MAP3K20: variants seen among roughly 807,000 people sequenced by gnomAD.
The protein encoded by MAP3K20 is mitogen-activated protein kinase kinase kinase 20.
A neutral mutation model predicts 85.7 loss-of-function variants in MAP3K20; 40 were observed. The observed-to-expected ratio is 0.47, with a 90% CI of 0.36 to 0.61. The LOEUF (loss-of-function observed/expected upper bound fraction) is 0.61. Among genes scored for constraint, MAP3K20 ranks in the 20% least tolerant of loss-of-function variants. MAP3K20 has a pLI of 0.00. For missense variants in MAP3K20, 817 were observed against 961.7 expected, an observed-to-expected ratio of 0.85 and a Z score of 1.99; for synonymous variants, 325 against 327.7, an observed-to-expected ratio of 0.99 and a Z score of 0.09.
intron 2 of MAP3K20, among the ~76,000 whole-genome samples, chr2:173,115,063 C>A (rs1347165344): frequency 6.6e-6 from 1 of 150,972 alleles, no homozygotes; most frequent in Non-Finnish European, 1.5e-5. Flanking sequence ...TTTGGTCATT[C>A]AGCATAATCC....
At chr2:173,100,171 C>A (rs1687597125) in intron 2 of MAP3K20, among the ~76,000 whole-genome samples, 1 of 152,226 alleles carries the variant, frequency 6.6e-6, no homozygotes, top group Non-Finnish European at 1.5e-5. Context: ...CTGTTGTGAA[C>A]TTTCTGAGAG....
At chr2:173,238,656 C>A (rs1479716230) in intron 15 of MAP3K20, among the ~76,000 whole-genome samples, 1 of 152,192 alleles carries the variant, frequency 6.6e-6, no homozygotes, top group East Asian at 1.9e-4. Flanking sequence ...ATAAGAACAA[C>A]ACACCTTACT....
At chr2:173,159,151 T>C (rs748377404) in intron 2 of MAP3K20, among the ~76,000 whole-genome samples, 2 of 152,220 alleles carry the variant, frequency 1.3e-5, no homozygotes, top group Non-Finnish European at 2.9e-5. Flanking sequence ...GATTAAGTTA[T>C]ATTGCTATTC....
intron 2 of MAP3K20, among the ~76,000 whole-genome samples, chr2:173,105,541 A>G (rs1478159242): frequency 7.2e-5 from 11 of 152,236 alleles, no homozygotes; most frequent in Admixed American, 7.2e-4. Flanking sequence ...ATGTCCATCA[A>G]CAGATGAACA....
At chr2:173,108,133 A>T (rs74459778) in intron 2 of MAP3K20, among the ~76,000 whole-genome samples, 4,404 of 129,020 alleles carry the variant, frequency 0.034, 102 homozygotes, top group Middle Eastern at 0.084. Context: ...TGGGATTTTT[A>T]TTTTTTTTTT....
At position 173,198,311 on chromosome 2, in the gene MAP3K20, C is replaced by T. The variant is rs559827190; in HGVS notation, c.669+199C>T. On this transcript the variant is annotated intron_variant, in intron 8 of 19. Transcript: ENST00000375213. This position sits in a 1 kb window ranked among gnomAD's most constrained non-coding sequence, Gnocchi z 5.8. ...ACATCTAATTGTTGCAGCTTCACGTCGTGATGCTGTAGATCAAAAATTGTA... is the reference window on the plus strand; with the variant it reads ...ACATCTAATTGTTGCAGCTTCACGTTGTGATGCTGTAGATCAAAAATTGTA... 7.5e-6 allele frequency: 3 copies of T among 402,416 alleles called. No homozygotes were observed. The highest frequency in any genetic ancestry group is 3.1e-5 in the South Asian group (1 of 32,732). 24.9% of individuals were successfully genotyped at this position (402,416 alleles called of 1,614,324 possible).
At chr2:173,127,044 A>AGG (rs1237223538) in intron 2 of MAP3K20, among the ~76,000 whole-genome samples, 1 of 152,238 alleles carries the variant, frequency 6.6e-6, no homozygotes, top group Non-Finnish European at 1.5e-5. Context: ...AACAGGAAGT[A>AGG]GGGACTAGCA....
chr2:173,261,083 G>T lies in MAP3K20; in HGVS notation c.1497G>T (p.Lys499Asn). 3.7e-6 allele frequency: 6 copies of T among 1,613,658 alleles called. No individual in the cohort carries two copies. The highest frequency in any genetic ancestry group is 5.1e-6 in the Non-Finnish European group (6 of 1,179,640). The change falls in exon 18 of 20, where the codon AAG becomes AAT. Residue 499 changes from lysine (K) to asparagine (N), a missense_variant. Around this residue, in one of 4 missense-constraint regions of MAP3K20, gnomAD observed 454 missense variants for 476.9 expected, o/e 0.95. Transcript: ENST00000375213. ...KMTKPPFVMEKWIVGIAKSQT... is the reference protein window; with the variant it reads ...KMTKPPFVMENWIVGIAKSQT... ...TTCAGCCACCATTTGTAATGGAGAA[G>T]TGGATTGTAGGAATAGCAAAAAGTC...
At chr2:173,243,656 C>G (rs1361444636) in intron 16 of MAP3K20, among the ~76,000 whole-genome samples, 1 of 152,136 alleles carries the variant, frequency 6.6e-6, no homozygotes, top group African/African-American at 2.4e-5. Flanking sequence ...CTCGCTCTTT[C>G]GCCCAGGCCA....
chr2:173,092,930 A>G (rs1449305868), intron 2 of MAP3K20, among the ~76,000 whole-genome samples: 1 of 152,050 alleles, frequency 6.6e-6, no homozygotes, highest in African/African-American at 2.4e-5. Context: ...ACATGAATGT[A>G]GGTAATTCAG....
At chr2:173,106,683 G>C (rs1193226169) in intron 2 of MAP3K20, among the ~76,000 whole-genome samples, 1 of 152,186 alleles carries the variant, frequency 6.6e-6, no homozygotes, top group African/African-American at 2.4e-5. Context: ...GATGGTTGCA[G>C]GGGAAGGATT....
rs988148689 is a variant in MAP3K20 at position 173,267,352 on chromosome 2, C to G, written c.*602C>G. ...TCCCCCTCTTTTTTTTGGATGTCCC[C>G]TTAAATTTTGTGCCCAAGGCAGGTA... is the stretch of plus-strand genomic sequence containing the variant. On this transcript the variant is annotated 3_prime_UTR_variant, in exon 20 of 20. Coordinates refer to ENST00000375213, the MANE Select transcript of MAP3K20 (RefSeq NM_016653.3). The G allele has an allele frequency of 5.3e-5, 8 of 151,462 alleles. No individual in the cohort carries two copies. Among genetic ancestry groups the G allele is most frequent in the African/African-American group, 1.9e-4 (8 of 41,210 alleles). The allele number at this position is 151,462 out of a possible 1,614,324, so 9.4% of individuals were successfully genotyped here. A position where few individuals can be genotyped will look rare whatever the true frequency, so the allele number is the denominator to read the frequency against.
chr2:173,091,198 C>T lies in MAP3K20; in HGVS notation c.159+8C>T, dbSNP rs963695081. The T allele has an allele frequency of 6.2e-7, 1 of 1,605,876 alleles. No individual in the cohort carries two copies. The highest frequency in any genetic ancestry group is 1.7e-5 in the Admixed American group (1 of 58,954). On this transcript the variant is annotated splice_region_variant and intron_variant, in intron 2 of 19. Transcript: ENST00000375213. Reference sequence around the variant, plus strand: ...CTCAAAATAGAGAAAGAGGTAAGGTCTTTTCCAGCTGACAGAAACAGTCAC... The same window carrying T: ...CTCAAAATAGAGAAAGAGGTAAGGTTTTTTCCAGCTGACAGAAACAGTCAC...
At chr2:173,230,356 G>A (rs1016350535) in intron 12 of MAP3K20, among the ~76,000 whole-genome samples, 3 of 152,136 alleles carry the variant, frequency 2.0e-5, no homozygotes, top group Non-Finnish European at 4.4e-5. Flanking sequence ...GAACAGGGAT[G>A]GCCTCGAGCC....
chr2:173,234,195 G>A (rs781774372), intron 14 of MAP3K20, among the ~76,000 whole-genome samples: 2 of 152,170 alleles, frequency 1.3e-5, no homozygotes, highest in Non-Finnish European at 2.9e-5. Flanking sequence ...ATTCCTTAAG[G>A]ATCAGTTCGG....
chr2:173,134,338 C>T (rs1445656054), intron 2 of MAP3K20, among the ~76,000 whole-genome samples: 6 of 135,478 alleles, frequency 4.4e-5, no homozygotes, highest in Admixed American at 3.9e-4. Flanking sequence ...GCTAGAACCA[C>T]AGGCGCATGC....
chr2:173,209,268 TC>T (rs900543510), intron 9 of MAP3K20, among the ~76,000 whole-genome samples: 1 of 152,068 alleles, frequency 6.6e-6, no homozygotes, highest in Non-Finnish European at 1.5e-5. Flanking sequence ...TAGGTAGATT[TC>T]CCCCCAACGC....
At position 173,091,069 on chromosome 2, in the gene MAP3K20, T is replaced by C; in HGVS notation, c.38T>C (p.Phe13Ser). Residue 13 changes from phenylalanine to serine, a missense_variant, in exon 2 of 20, where the codon TTT becomes TCT. By Grantham distance (155) the Phe-to-Ser change is radical. This residue lies in a region of MAP3K20 where 200 missense variants were observed against 302.7 expected (regional missense o/e 0.66). Coordinates refer to ENST00000375213, the MANE Select transcript of MAP3K20 (RefSeq NM_016653.3). ...GGTGCCTCCTTTGTGCAAATTAAAT[T>C]TGATGACTTGCAGTTTTTTGAAAAC... ...SLGASFVQIK[F>S]DDLQFFENCG... is the part of the protein sequence containing the mutation. 1 of 1,614,010 alleles carries C rather than the reference T, an allele frequency of 6.2e-7. No individual in the cohort carries two copies. The highest frequency in any genetic ancestry group is 8.5e-7 in the Non-Finnish European group (1 of 1,179,960).
chr2:173,221,567 G>C, intron 11 of MAP3K20: 1 of 1,458,936 alleles, frequency 6.9e-7, no homozygotes, highest in East Asian at 2.5e-5. Context: ...CAAATGTTTG[G>C]AAAACACAAA....
Sources: allele counts gnomAD v4.1 joint callset (sites outside exome capture counted in the v4.1 genomes callset), GRCh38; gene constraint gnomAD v4.1.1; regional missense constraint gnomAD v4.1.1; non-coding constraint Gnocchi (gnomAD v3.1); transcripts MANE v1.5; gene names NCBI Gene and HGNC (gene_info 2026-07-23, HGNC 2026-07-21).